LRRC4C: variants seen among roughly 807,000 people sequenced by gnomAD.
The protein encoded by LRRC4C is leucine rich repeat containing 4C, also known as leucine-rich repeat-containing protein 4C.
A neutral mutation model predicts 33.6 loss-of-function variants in LRRC4C; 5 were observed. The observed-to-expected ratio is 0.15, with a 90% CI of 0.08 to 0.31. The LOEUF (loss-of-function observed/expected upper bound fraction) is 0.31, where lower values mean the gene tolerates loss of function less well. Ranked by LOEUF, LRRC4C falls within the 10% of genes least tolerant of loss-of-function variation. The pLI is 1.00. For synonymous variants in LRRC4C, 329 were observed against 302.0 expected, an observed-to-expected ratio of 1.09 and a Z score of -0.93; for missense variants, 560 against 796.7, an observed-to-expected ratio of 0.70 and a Z score of 3.58.
At chr11:41,014,217 T>C (rs550063614) in intron 1 of LRRC4C, among the ~76,000 whole-genome samples, 85 of 152,280 alleles carry the variant, frequency 5.6e-4, no homozygotes, top group African/African-American at 1.9e-3. Context: ...CATTTTCTAA[T>C]GCCATCACCT....
chr11:40,900,290 C>T (rs1956147846), intron 2 of LRRC4C, among the ~76,000 whole-genome samples: 1 of 152,010 alleles, frequency 6.6e-6, no homozygotes, highest in East Asian at 1.9e-4. Context: ...TTGAAACGTG[C>T]CCATCAATTT....
At position 40,543,396 on chromosome 11, in the gene LRRC4C, T is replaced by A. The variant is rs538367455; in HGVS notation, c.-270+104746A>T. ...TTTATGCCTTTGTTATATGCCAAAC[T>A]ATACACTCACCAAATCTGCACACTT... is the stretch of plus-strand genomic sequence containing the variant. On this transcript the variant is annotated intron_variant, in intron 3 of 6. Transcript: ENST00000528697. Among the ~76,000 whole-genome samples the A allele has an allele frequency of 1.1e-4, 17 of 152,270 alleles. No individual in the cohort carries two copies. In the South Asian group the frequency reaches 3.3e-3, roughly 30 times the overall value.
intron 6 of LRRC4C, among the ~76,000 whole-genome samples, chr11:40,138,169 T>TC (rs1213267802): frequency 6.7e-6 from 1 of 148,664 alleles, no homozygotes. Flanking sequence ...TGACATTTTT[T>TC]CTTTTTTTTT....
chr11:41,289,342 G>A (rs142128713), intron 1 of LRRC4C, among the ~76,000 whole-genome samples: 96 of 152,240 alleles, frequency 6.3e-4, no homozygotes, highest in African/African-American at 2.2e-3. Context: ...TTTAAGAAGT[G>A]TATACTGTAA....
intron 3 of LRRC4C, among the ~76,000 whole-genome samples, chr11:40,475,506 G>C (rs911170537): frequency 6.6e-6 from 1 of 152,074 alleles, no homozygotes; most frequent in Non-Finnish European, 1.5e-5. Context: ...TGTAGATGCT[G>C]GGTTGATGAG....
intron 2 of LRRC4C, among the ~76,000 whole-genome samples, chr11:40,881,271 T>A (rs1052469219): frequency 6.6e-6 from 1 of 152,138 alleles, no homozygotes; most frequent in African/African-American, 2.4e-5. Context: ...AATTTTATAA[T>A]CTTACTAAAT....
intron 3 of LRRC4C, among the ~76,000 whole-genome samples, chr11:40,550,071 A>G (rs1957075618): frequency 6.6e-6 from 1 of 152,140 alleles, no homozygotes; most frequent in Non-Finnish European, 1.5e-5. Flanking sequence ...CTGTAATTTA[A>G]TAATAATGAC....
intron 5 of LRRC4C, among the ~76,000 whole-genome samples, chr11:40,231,578 T>A (rs1228245313): frequency 6.6e-6 from 1 of 152,220 alleles, no homozygotes; most frequent in African/African-American, 2.4e-5. Flanking sequence ...AATTATCTCA[T>A]TTAATTCTCC....
intron 2 of LRRC4C, among the ~76,000 whole-genome samples, chr11:40,771,303 C>T (rs1205981019): frequency 6.6e-6 from 1 of 152,164 alleles, no homozygotes; most frequent in Non-Finnish European, 1.5e-5. Flanking sequence ...TGTACTTTGG[C>T]CCATTTTAGC....
intron 2 of LRRC4C, among the ~76,000 whole-genome samples, chr11:40,782,496 G>T (rs1368167469): frequency 6.6e-6 from 1 of 151,658 alleles, no homozygotes; most frequent in Non-Finnish European, 1.5e-5. Context: ...GCCACAAAAG[G>T]ACTTGAATGA....
At chr11:40,180,989 A>G (rs1860948098) in intron 5 of LRRC4C, among the ~76,000 whole-genome samples, 1 of 152,212 alleles carries the variant, frequency 6.6e-6, no homozygotes, top group African/African-American at 2.4e-5. Context: ...GGCATCTAAT[A>G]GAGACAGTAG....
intron 5 of LRRC4C, among the ~76,000 whole-genome samples, chr11:40,150,567 G>C (rs1029032128): frequency 2.6e-5 from 4 of 152,200 alleles, no homozygotes; most frequent in Admixed American, 2.6e-4. Flanking sequence ...CTCTTGAGTA[G>C]TTGGGATAAC....
chr11:40,479,819 A>C (rs1257181488), intron 3 of LRRC4C, among the ~76,000 whole-genome samples: 1 of 152,184 alleles, frequency 6.6e-6, no homozygotes, highest in Non-Finnish European at 1.5e-5. Context: ...CTTTATTAGA[A>C]AGAACACAGG....
At chr11:41,267,018 C>T (rs534729392) in intron 1 of LRRC4C, among the ~76,000 whole-genome samples, 1 of 152,196 alleles carries the variant, frequency 6.6e-6, no homozygotes, top group Admixed American at 6.6e-5. Context: ...AAGGCTAATC[C>T]ACTCATCATG....
chr11:40,566,580 G>A (rs1350293188), intron 3 of LRRC4C, among the ~76,000 whole-genome samples: 4 of 152,028 alleles, frequency 2.6e-5, no homozygotes, highest in African/African-American at 7.2e-5. Flanking sequence ...TGTTAAATGA[G>A]CAGGTATGTT....
At chr11:41,240,277 C>T (rs911398494) in intron 1 of LRRC4C, among the ~76,000 whole-genome samples, 9 of 152,064 alleles carry the variant, frequency 5.9e-5, no homozygotes, top group African/African-American at 1.4e-4. Context: ...CAGACATTAC[C>T]GCATCTAATT....
At chr11:40,871,634 C>T (rs968337418) in intron 2 of LRRC4C, among the ~76,000 whole-genome samples, 7 of 152,060 alleles carry the variant, frequency 4.6e-5, no homozygotes, top group African/African-American at 1.7e-4. Flanking sequence ...CACACTACAT[C>T]CAAATGGCTC....
chr11:40,981,413 C>CAA (rs113295551), intron 1 of LRRC4C, among the ~76,000 whole-genome samples: 84 of 117,614 alleles, frequency 7.1e-4, no homozygotes, highest in African/African-American at 2.2e-3. Context: ...GACTCCGTCT[C>CAA]AAAAAAAAAA....
chr11:40,188,733 CACAT>C (rs766698990), intron 5 of LRRC4C, among the ~76,000 whole-genome samples: 64 of 152,118 alleles, frequency 4.2e-4, no homozygotes, highest in Non-Finnish European at 2.2e-4. Context: ...CATGCACACA[CACAT>C]ACATCTACAT....
Sources: gnomAD v4.1 joint callset for allele counts (sites outside exome capture counted in the v4.1 genomes callset) on GRCh38, gnomAD v4.1.1 for gene constraint, MANE v1.5 for transcripts, NCBI Gene and HGNC (gene_info 2026-07-23, HGNC 2026-07-21) for gene names.